Variants in SRL observed in about 807,000 individuals in gnomAD.
SRL encodes the protein sarcalumenin.
Under a neutral mutation model 39.5 loss-of-function variants are expected in SRL, and 23 were observed. The ratio of observed to expected loss-of-function variants is 0.58; its 90% CI spans 0.42 to 0.82. The LOEUF is 0.82. Among genes scored for constraint, SRL ranks in the 40% least tolerant of loss-of-function variants. The pLI is 0.00. For synonymous variants in SRL, 272 were observed against 237.4 expected, an observed-to-expected ratio of 1.15 and a Z score of -1.34; for missense variants, 592 against 607.8, an observed-to-expected ratio of 0.97 and a Z score of 0.27.
intron 4 of SRL, among the ~76,000 whole-genome samples, 159 bp from the exon 5 acceptor site, chr16:4,195,945 T>C (rs1488986571): frequency 6.6e-6 from 1 of 152,174 alleles, no homozygotes; most frequent in Non-Finnish European, 1.5e-5. Flanking sequence ...TGGTAAAACA[T>C]ACATAACATA....
chr16:4,209,427 C>T (rs1347817002), intron 1 of SRL, among the ~76,000 whole-genome samples: 2 of 152,164 alleles, frequency 1.3e-5, no homozygotes, highest in Non-Finnish European at 2.9e-5. Flanking sequence ...AGCCTCTGTT[C>T]TTCCTTGACT....
At chr16:4,210,769 C>A (rs996001158) in intron 1 of SRL, among the ~76,000 whole-genome samples, 4 of 152,142 alleles carry the variant, frequency 2.6e-5, no homozygotes, top group Admixed American at 2.6e-4. Flanking sequence ...AGGCATGAGC[C>A]ACCACACCCA....
chr16:4,200,016 G>A (rs1166753542), intron 3 of SRL, among the ~76,000 whole-genome samples: 1 of 152,118 alleles, frequency 6.6e-6, no homozygotes, highest in East Asian at 1.9e-4. Flanking sequence ...TACAGAGAGC[G>A]TTGCCATATG....
chr16:4,205,524 TG>T (rs1482018777), intron 1 of SRL, among the ~76,000 whole-genome samples: 2 of 152,088 alleles, frequency 1.3e-5, no homozygotes, highest in South Asian at 2.1e-4. Context: ...CCTGCACCAG[TG>T]GTCTCAGCAG....
intron 1 of SRL, 65 bp from the exon 2 acceptor site, chr16:4,204,699 G>A: frequency 1.4e-6 from 2 of 1,438,800 alleles, no homozygotes; most frequent in Non-Finnish European, 2.0e-6. Flanking sequence ...CTGGGCCCCG[G>A]CACAGCAGAC....
At chr16:4,226,133 A>G (rs1054741911) in intron 1 of SRL, among the ~76,000 whole-genome samples, 1 of 152,078 alleles carries the variant, frequency 6.6e-6, no homozygotes, top group African/African-American at 2.4e-5. Flanking sequence ...ATTATTGAAT[A>G]TTGTCTCCCA....
intron 1 of SRL, among the ~76,000 whole-genome samples, 184 bp from the exon 2 acceptor site, chr16:4,204,818 T>A (rs564710428): frequency 1.2e-4 from 18 of 152,376 alleles, no homozygotes; most frequent in African/African-American, 3.8e-4. Flanking sequence ...AAGTTCCATG[T>A]GTAGTGTATT....
At chr16:4,224,319 A>G (rs2052563258) in intron 1 of SRL, among the ~76,000 whole-genome samples, 1 of 152,110 alleles carries the variant, frequency 6.6e-6, no homozygotes, top group African/African-American at 2.4e-5. Flanking sequence ...CCTTCACCCC[A>G]CTACTATTGA....
rs1254309935 is a variant in SRL at position 4,204,425 on chromosome 16, C to CAAGATACAGCCCCGGCCTCT, written c.163+107_163+108insAGAGGCCGGGGCTGTATCTT. 4.7e-4 allele frequency: 282 copies of CAAGATACAGCCCCGGCCTCT among 603,964 alleles called. 1 individual carries two copies. In the East Asian group the frequency reaches 5.9e-3, roughly 13 times the overall value. The allele number at this position is 603,964 out of a possible 1,614,324, so 37.4% of individuals were successfully genotyped here. On this transcript the variant is annotated intron_variant, in intron 2 of 5. Transcript: ENST00000399609. ...CCAAGATAGATACAGCCCCGGCCTC[C>CAAGATACAGCCCCGGCCTCT]AAGATACAGCCCCGGCACGCCCTGG...
intron 1 of SRL, among the ~76,000 whole-genome samples, chr16:4,236,490 A>G (rs932510813): frequency 6.6e-6 from 1 of 152,070 alleles, no homozygotes; most frequent in East Asian, 1.9e-4. Context: ...GTACAGCTCC[A>G]TGGGTGACCT....
intron 3 of SRL, among the ~76,000 whole-genome samples, chr16:4,202,021 G>A (rs2052240802): frequency 1.3e-5 from 2 of 152,110 alleles, no homozygotes; most frequent in East Asian, 3.9e-4. Context: ...AAACTCCTGG[G>A]CTCAAGCCAT....
At chr16:4,206,158 T>C (rs1224314390) in intron 1 of SRL, among the ~76,000 whole-genome samples, 1 of 152,262 alleles carries the variant, frequency 6.6e-6, no homozygotes, top group South Asian at 2.1e-4. Context: ...CCCTTCCCCC[T>C]CTGCTCCTGG....
intron 1 of SRL, chr16:4,239,505 A>T (rs959322063): frequency 6.6e-6 from 1 of 152,332 alleles, no homozygotes; most frequent in Non-Finnish European, 1.5e-5. Flanking sequence ...ACCCGAAGAA[A>T]TGAAATGCTT....
chr16:4,207,724 G>C (rs2052341431), intron 1 of SRL: 3 of 412,810 alleles, frequency 7.3e-6, no homozygotes, highest in Non-Finnish European at 1.4e-5. Context: ...CCAGAACTGG[G>C]CTCCGGCCAC....
intron 1 of SRL, among the ~76,000 whole-genome samples, chr16:4,234,176 T>G (rs1402163741): frequency 6.6e-6 from 1 of 152,162 alleles, no homozygotes; most frequent in Non-Finnish European, 1.5e-5. Context: ...AGTTTTTTTG[T>G]AGAGACAAGA....
chr16:4,195,466 G>C (rs1234330798), intron 5 of SRL, 87 bp downstream of exon 5: 1 of 1,316,240 alleles, frequency 7.6e-7, no homozygotes, highest in African/African-American at 1.5e-5. Flanking sequence ...CCAAAGAGTT[G>C]GGATCACAGG....
intron 1 of SRL, among the ~76,000 whole-genome samples, chr16:4,225,760 C>T (rs1280291948): frequency 6.6e-6 from 1 of 152,100 alleles, no homozygotes; most frequent in Non-Finnish European, 1.5e-5. Context: ...CTGCTTCTGT[C>T]CCCCATCCCC....
In SRL at chr16:4,197,067, T is replaced by C. The variant is rs556349753; in HGVS notation, c.376+732A>G. ...CTGTTTTTTCCAAATTTTCTTTTTTTTTTTTTTTTTTTTTTTTGTGAGACA... is the reference window on the plus strand; with the variant it reads ...CTGTTTTTTCCAAATTTTCTTTTTTCTTTTTTTTTTTTTTTTTGTGAGACA... On this transcript the variant is annotated intron_variant, in intron 4 of 5. Coordinates refer to ENST00000399609, the MANE Select transcript of SRL (RefSeq NM_001098814.2). 1.6e-3 allele frequency among the ~76,000 whole-genome samples: 132 copies of C among 80,732 alleles called. 1 individual carries two copies. The highest frequency in any genetic ancestry group is 2.4e-3 in the Admixed American group (20 of 8,482). The allele number at this position is 80,732 out of a possible 152,430, so 53.0% of individuals were successfully genotyped here. A position where few individuals can be genotyped will look rare whatever the true frequency, so the allele number is the denominator to read the frequency against.
intron 1 of SRL, chr16:4,208,230 C>G (rs1814360426): frequency 2.8e-6 from 1 of 356,218 alleles, no homozygotes; most frequent in African/African-American, 2.1e-5. Flanking sequence ...AGTGTTACGC[C>G]CACCAACCTG....
Sources: allele counts gnomAD v4.1 joint callset (sites outside exome capture counted in the v4.1 genomes callset), GRCh38; gene constraint gnomAD v4.1.1; transcripts MANE v1.5; gene names NCBI Gene and HGNC (gene_info 2026-07-23, HGNC 2026-07-21).